Variants in MTUS2 observed in about 807,000 individuals in gnomAD.
MTUS2 encodes microtubule associated scaffold protein 2, also known as microtubule-associated tumor suppressor candidate 2.
A neutral mutation model predicts 114.1 loss-of-function variants in MTUS2; 40 were observed. The observed-to-expected ratio is 0.35, with a 90% CI of 0.27 to 0.46. MTUS2 has a LOEUF of 0.46. Among genes scored for constraint, MTUS2 ranks in the 20% least tolerant of loss-of-function variants. MTUS2 has a pLI of 1.00. For synonymous variants in MTUS2, 688 were observed against 672.0 expected, an observed-to-expected ratio of 1.02 and a Z score of -0.37; for missense variants, 1,679 against 1,705.4, an observed-to-expected ratio of 0.98 and a Z score of 0.27.
chr13:29,348,856 A>G (rs1467108201), intron 7 of MTUS2, among the ~76,000 whole-genome samples: 1 of 152,190 alleles, frequency 6.6e-6, no homozygotes, highest in Non-Finnish European at 1.5e-5. Flanking sequence ...TTTCATTGTT[A>G]ATAGAGCCAC....
At chr13:29,424,401 T>A (rs1359270825) in intron 8 of MTUS2, among the ~76,000 whole-genome samples, 1 of 152,204 alleles carries the variant, frequency 6.6e-6, no homozygotes, top group African/African-American at 2.4e-5. Context: ...ATTCTTTTTT[T>A]ATATAAAAAT....
At chr13:28,963,618 C>G (rs1883439727) in intron 2 of MTUS2, among the ~76,000 whole-genome samples, 1 of 152,130 alleles carries the variant, frequency 6.6e-6, no homozygotes, top group African/African-American at 2.4e-5. Flanking sequence ...ACCAAAACCC[C>G]TTTCTTGGCT....
intron 2 of MTUS2, among the ~76,000 whole-genome samples, chr13:28,904,838 C>T (rs1201934015): frequency 1.3e-5 from 2 of 151,908 alleles, no homozygotes; most frequent in Non-Finnish European, 1.5e-5. Context: ...TATAAATTAC[C>T]TTGGGCAGTA....
intron 5 of MTUS2, among the ~76,000 whole-genome samples, chr13:29,219,867 C>G (rs1160957484): frequency 6.6e-6 from 1 of 152,184 alleles, no homozygotes; most frequent in Non-Finnish European, 1.5e-5. Context: ...TGGGATGTTG[C>G]TCTGGATTAT....
intron 2 of MTUS2, among the ~76,000 whole-genome samples, chr13:28,856,437 G>C (rs1177975371): frequency 6.6e-6 from 1 of 152,214 alleles, no homozygotes; most frequent in African/African-American, 2.4e-5. Flanking sequence ...GCAGTTCATA[G>C]CTGGTCAGAC....
intron 11 of MTUS2, among the ~76,000 whole-genome samples, chr13:29,491,095 C>T (rs776383882): frequency 1.2e-4 from 17 of 139,982 alleles, no homozygotes; most frequent in African/African-American, 1.9e-4. Flanking sequence ...GGTATGTGTG[C>T]GGGTGTTTAT....
At chr13:29,126,504 A>C (rs1257632392) in intron 5 of MTUS2, among the ~76,000 whole-genome samples, 1 of 152,040 alleles carries the variant, frequency 6.6e-6, no homozygotes, top group African/African-American at 2.4e-5. Flanking sequence ...TAATTTCTTC[A>C]TCTCTGCCCT....
At chr13:29,347,144 C>G (rs1280724311) in intron 7 of MTUS2, among the ~76,000 whole-genome samples, 1 of 152,160 alleles carries the variant, frequency 6.6e-6, no homozygotes, top group East Asian at 1.9e-4. Context: ...CTCTGTCCAT[C>G]TGAATGGGAG....
chr13:29,140,583 A>G (rs1490757892), intron 5 of MTUS2, among the ~76,000 whole-genome samples: 4 of 152,160 alleles, frequency 2.6e-5, no homozygotes, highest in African/African-American at 4.8e-5. Context: ...TCCTCATTCT[A>G]AGTGATGGTA....
chr13:29,246,156 C>CA (rs952345699), intron 5 of MTUS2, among the ~76,000 whole-genome samples: 22 of 151,324 alleles, frequency 1.5e-4, no homozygotes, highest in East Asian at 3.9e-4. Context: ...GCAGAAGTGG[C>CA]AAAAAAAATA....
intron 5 of MTUS2, among the ~76,000 whole-genome samples, chr13:29,159,075 C>T (rs887608307): frequency 1.3e-5 from 2 of 152,112 alleles, no homozygotes; most frequent in East Asian, 1.9e-4. Flanking sequence ...AAGAAAGTTA[C>T]CGTGGAGAAT....
chr13:29,276,945 A>C (rs1898087915), intron 5 of MTUS2, among the ~76,000 whole-genome samples: 1 of 152,132 alleles, frequency 6.6e-6, no homozygotes, highest in African/African-American at 2.4e-5. Context: ...AATAAGAAAA[A>C]AGAATAATAT....
chr13:29,320,205 G>A (rs759903493), intron 6 of MTUS2, among the ~76,000 whole-genome samples: 2 of 152,116 alleles, frequency 1.3e-5, no homozygotes, highest in African/African-American at 2.4e-5. Flanking sequence ...AGCAGGGATC[G>A]GAGTGATTGC....
At chr13:28,929,743 T>G (rs1278789720) in intron 2 of MTUS2, among the ~76,000 whole-genome samples, 1 of 152,222 alleles carries the variant, frequency 6.6e-6, no homozygotes. Context: ...TCTTAGCACC[T>G]GCTAAGTGTC....
chr13:29,156,513 G>A (rs1032932114), intron 5 of MTUS2, among the ~76,000 whole-genome samples: 2 of 152,048 alleles, frequency 1.3e-5, no homozygotes, highest in African/African-American at 4.8e-5. Flanking sequence ...GATGATGAGG[G>A]GAAGCAGTGC....
At chr13:29,337,668 T>C (rs4290333) in intron 7 of MTUS2, among the ~76,000 whole-genome samples, 39,752 of 151,214 alleles carry the variant, frequency 0.26, 5,927 homozygotes, top group African/African-American at 0.41. Flanking sequence ...GTGGCACAAT[T>C]TTGGCTCATT....
At chr13:29,375,115 C>T (rs1358380503) in intron 8 of MTUS2, among the ~76,000 whole-genome samples, 5 of 152,008 alleles carry the variant, frequency 3.3e-5, no homozygotes, top group East Asian at 1.9e-4. Flanking sequence ...CAAAAGTAAT[C>T]GTGGTTTTTG....
At chr13:29,334,244 C>T (rs867981294) in intron 7 of MTUS2, among the ~76,000 whole-genome samples, 2 of 152,132 alleles carry the variant, frequency 1.3e-5, no homozygotes, top group South Asian at 4.1e-4. Flanking sequence ...TTGATCCTGT[C>T]ATTATGATGC....
At chr13:29,440,752 C>T (rs1877778275) in intron 9 of MTUS2, among the ~76,000 whole-genome samples, 2 of 152,060 alleles carry the variant, frequency 1.3e-5, no homozygotes, top group South Asian at 2.1e-4. Flanking sequence ...TACCAGTGAG[C>T]ACTCCTCCTC....
Sources: allele counts gnomAD v4.1 joint callset (sites outside exome capture counted in the v4.1 genomes callset), GRCh38; gene constraint gnomAD v4.1.1; transcripts MANE v1.5; gene names NCBI Gene and HGNC (gene_info 2026-07-23, HGNC 2026-07-21).